The following RECK variants were observed in gnomAD, a reference collection of about 807,000 sequenced individuals.
RECK encodes reversion-inducing cysteine-rich protein with Kazal motifs.
In RECK, 69 loss-of-function variants were observed where a neutral mutation model predicts 115.1. The observed-to-expected ratio is 0.60, with a 90% confidence interval of 0.49 to 0.73. The LOEUF (loss-of-function observed/expected upper bound fraction) is 0.73, where lower values mean the gene tolerates loss of function less well. RECK is among the 30% of genes least tolerant of loss of function. The pLI is 0.00. For synonymous variants in RECK, 414 were observed against 419.7 expected (o/e 0.99, Z 0.17); for missense variants, 1,047 against 1,203.7 (o/e 0.87, Z 1.93).
intron 10 of RECK, among the ~76,000 whole-genome samples, chr9:36,095,147 G>A (rs1823290444): frequency 2.0e-5 from 3 of 152,160 alleles, no homozygotes; most frequent in Admixed American, 1.3e-4. Context: ...AGTAAGCCAA[G>A]ATTGCACCAC....
intron 20 of RECK, among the ~76,000 whole-genome samples, 180 bp downstream of exon 20, chr9:36,121,868 G>A (rs1042501920): frequency 6.6e-6 from 1 of 152,200 alleles, no homozygotes; most frequent in Non-Finnish European, 1.5e-5. Context: ...TGAGCACTTT[G>A]CCAGTGGCTG....
chr9:36,055,820 TTTG>T (rs1178298924), intron 2 of RECK, among the ~76,000 whole-genome samples: 1 of 152,142 alleles, frequency 6.6e-6, no homozygotes, highest in Non-Finnish European at 1.5e-5. Context: ...TTTGTTTGTT[TTTG>T]TTGTTGTTGA....
At chr9:36,055,487 C>T (rs966496223) in intron 2 of RECK, among the ~76,000 whole-genome samples, 2 of 152,186 alleles carry the variant, frequency 1.3e-5, no homozygotes, top group Non-Finnish European at 2.9e-5. Context: ...TACTATACCC[C>T]TTTACATGCA....
At chr9:36,107,126 A>T in intron 13 of RECK, among the ~76,000 whole-genome samples, 1 of 141,622 alleles carries the variant, frequency 7.1e-6, no homozygotes, top group Non-Finnish European at 1.5e-5. Flanking sequence ...AAAAAAAAAA[A>T]GGAATTCAAT....
chr9:36,111,733 G>A (rs1824053648), intron 15 of RECK, among the ~76,000 whole-genome samples: 1 of 152,004 alleles, frequency 6.6e-6, no homozygotes, highest in Non-Finnish European at 1.5e-5. Context: ...TAACATTCAA[G>A]AAATCCCCAC....
At chr9:36,087,477 A>G (rs1199704046) in intron 8 of RECK, among the ~76,000 whole-genome samples, 2 of 152,102 alleles carry the variant, frequency 1.3e-5, no homozygotes, top group Non-Finnish European at 2.9e-5. Context: ...AACATCACAC[A>G]CCAGGGCCTG....
chr9:36,121,681 C>T lies in RECK; in HGVS notation c.2687C>T (p.Ala896Val), dbSNP rs992335493. 3 of 1,613,826 alleles carry T rather than the reference C, an allele frequency of 1.9e-6. No individual in the cohort carries two copies. The highest frequency in any genetic ancestry group is 1.3e-5 in the African/African-American group (1 of 74,914). ...LIIPVDHYPK[A>V]LQIEACNKEA... ...ATTCCCGTCGATCACTATCCAAAAG[C>T]TCTGCAGGTGAGTTCAGCACATGTT... The change falls in exon 20 of 21, where the codon GCT becomes GTT. Residue 896 changes from alanine to valine, a missense_variant. Ala to Val is a moderately conservative substitution (Grantham distance 64). Coordinates refer to ENST00000377966, the MANE Select transcript of RECK (RefSeq NM_021111.3).
chr9:36,063,076 A>C (rs966546930), intron 4 of RECK, among the ~76,000 whole-genome samples: 6 of 152,120 alleles, frequency 3.9e-5, no homozygotes, highest in Non-Finnish European at 7.4e-5. Context: ...CGGAGGTTGC[A>C]GTGAGCCAAG....
At position 36,112,290 on chromosome 9, in the gene RECK, G is replaced by GTTTCCTCTCCTCAGGTC. The variant is rs1177206711; in HGVS notation, c.1889-13_1892dup. 6.2e-7 allele frequency: 1 copy of GTTTCCTCTCCTCAGGTC among 1,611,180 alleles called. No individual in the cohort carries two copies. The highest frequency in any genetic ancestry group is 8.5e-7 in the Non-Finnish European group (1 of 1,178,758). On this transcript the variant is annotated splice_polypyrimidine_tract_variant and intron_variant, in intron 15 of 20. Transcript: ENST00000377966. ...TATACACATACATATTTTTGAGGCT[G>GTTTCCTCTCCTCAGGTC]TTTCCTCTCCTCAGGTCTGCCCTGT...
intron 12 of RECK, among the ~76,000 whole-genome samples, chr9:36,104,351 T>A (rs2132656233): frequency 1.1e-5 from 1 of 90,092 alleles, no homozygotes; most frequent in Non-Finnish European, 2.2e-5. Flanking sequence ...TTTTTTTTTT[T>A]TTTTTTTTTT....
chr9:36,076,345 A>G (rs1822452331), intron 6 of RECK, among the ~76,000 whole-genome samples: 1 of 152,206 alleles, frequency 6.6e-6, no homozygotes, highest in Admixed American at 6.5e-5. Flanking sequence ...TGCAGAGCGA[A>G]CTTCTGGGCT....
At position 36,122,574 on chromosome 9, in the gene RECK, G is replaced by T. The variant is rs146431688; in HGVS notation, c.2695-250G>T. Among the ~76,000 whole-genome samples, 65 of 152,260 alleles carry T rather than the reference G, an allele frequency of 4.3e-4. 2 individuals carry two copies. In the South Asian group the frequency reaches 0.013, roughly 30 times the overall value. On this transcript the variant is annotated intron_variant, in intron 20 of 20. Coordinates refer to ENST00000377966, the MANE Select transcript of RECK (RefSeq NM_021111.3). Reference sequence around the variant, plus strand: ...CCACCTTGGCCTCCCAGAGTGCTAGGATTACAGGCATGAGCCACAACACAT... The same window carrying T: ...CCACCTTGGCCTCCCAGAGTGCTAGTATTACAGGCATGAGCCACAACACAT...
intron 14 of RECK, 66 bp downstream of exon 14, chr9:36,108,230 A>ATCCAGTATTCTTC: frequency 8.4e-7 from 1 of 1,195,190 alleles, no homozygotes; most frequent in Non-Finnish European, 1.2e-6. Flanking sequence ...TAGGAAGAAT[A>ATCCAGTATTCTTC]CTGGATAGAT....
At chr9:36,103,117 AC>A (rs1823626610) in intron 12 of RECK, among the ~76,000 whole-genome samples, 1 of 152,136 alleles carries the variant, frequency 6.6e-6, no homozygotes, top group Non-Finnish European at 1.5e-5. Flanking sequence ...TGGCAGTGAG[AC>A]CCATACATGG....
At chr9:36,079,036 C>A (rs1822576263) in intron 6 of RECK, among the ~76,000 whole-genome samples, 1 of 152,078 alleles carries the variant, frequency 6.6e-6, no homozygotes, top group Non-Finnish European at 1.5e-5. Flanking sequence ...GCTAGGATTA[C>A]AGGCATGCAC....
intron 9 of RECK, among the ~76,000 whole-genome samples, chr9:36,090,004 A>ACACACACACAC: frequency 7.1e-6 from 1 of 141,602 alleles, no homozygotes. Flanking sequence ...ACACACACAC[A>ACACACACACAC]AATTAGCCAG....
chr9:36,097,496 A>G (rs902765160), intron 10 of RECK, among the ~76,000 whole-genome samples: 1 of 152,228 alleles, frequency 6.6e-6, no homozygotes, highest in Non-Finnish European at 1.5e-5. Flanking sequence ...TTCACGTGTT[A>G]AAATGGCTAT....
chr9:36,091,319 C>T lies in RECK; in HGVS notation c.1061C>T (p.Thr354Ile). The T allele has an allele frequency of 1.3e-6, 2 of 1,569,484 alleles. No individual in the cohort carries two copies. The highest frequency in any genetic ancestry group is 1.2e-5 in the South Asian group (1 of 84,018). Residue 354 changes from threonine (T) to isoleucine (I), a missense_variant, in exon 10 of 21, where the codon ACT becomes ATT. Thr to Ile is a moderately conservative substitution (Grantham distance 89). Transcript: ENST00000377966. ...EPCQLGCRNLTYCTNFNNRPT... is the reference protein window; with the variant it reads ...EPCQLGCRNLIYCTNFNNRPT... ...TGCCAGTTGGGCTGTAGAAACCTTA[C>T]TTACTGTACTAATTTTAACAACAGG... is the stretch of plus-strand genomic sequence containing the variant.
In RECK at chr9:36,094,578, T is replaced by A; in HGVS notation, c.1085+3235T>A. Among the ~76,000 whole-genome samples, 1 of 151,830 alleles carries A rather than the reference T, an allele frequency of 6.6e-6. No homozygotes were observed. The highest frequency in any genetic ancestry group is 1.9e-4 in the East Asian group (1 of 5,190). On this transcript the variant is annotated intron_variant, in intron 10 of 20. Coordinates refer to ENST00000377966, the MANE Select transcript of RECK (RefSeq NM_021111.3). This position sits in a 1 kb window ranked among gnomAD's most constrained non-coding sequence, Gnocchi z 4.1. ...AGACAAATTGAAAACCACAGCAAAA[T>A]GATAGAGACTTAAACCCAACTGTAT...
Sources: gnomAD v4.1 joint callset for allele counts (sites outside exome capture counted in the v4.1 genomes callset) on GRCh38, gnomAD v4.1.1 for gene constraint, Gnocchi (gnomAD v3.1) non-coding constraint, MANE v1.5 for transcripts, NCBI Gene and HGNC (gene_info 2026-07-23, HGNC 2026-07-21) for gene names.